Variants in RICTOR observed in about 807,000 individuals in gnomAD.
RICTOR encodes RPTOR independent companion of MTOR complex 2.
RICTOR carries 49 observed loss-of-function variants against 214.9 expected under a neutral mutation model. The observed-to-expected ratio is 0.23, with a 90% CI of 0.18 to 0.29. The LOEUF is 0.29. Among genes scored for constraint, RICTOR ranks in the 10% least tolerant of loss-of-function variants. The pLI, the probability that RICTOR is intolerant of heterozygous loss-of-function variation, is 1.00. For synonymous variants in RICTOR, 717 were observed against 711.3 expected, an observed-to-expected ratio of 1.01 and a Z score of -0.13; for missense variants, 1,625 against 2,047.0, an observed-to-expected ratio of 0.79 and a Z score of 3.98.
At chr5:39,071,545 T>C (rs1759323291) in intron 2 of RICTOR, among the ~76,000 whole-genome samples, 1 of 152,216 alleles carries the variant, frequency 6.6e-6, no homozygotes, top group Non-Finnish European at 1.5e-5. Context: ...CATTTACTTT[T>C]CACATTCTTA....
rs1032784340 is a variant in RICTOR at position 38,940,259 on chromosome 5, A to C, written c.*2045T>G. On this transcript the variant is annotated 3_prime_UTR_variant, in exon 38 of 38. Coordinates refer to ENST00000357387, the MANE Select transcript of RICTOR (RefSeq NM_152756.5). ...TGGGGGAGGGGGTGTGTGTGTGTGTAAGACAAAAAAAAAATTACTGTTAAC... is the reference window on the plus strand; with the variant it reads ...TGGGGGAGGGGGTGTGTGTGTGTGTCAGACAAAAAAAAAATTACTGTTAAC... The C allele has an allele frequency of 4.3e-6, 1 of 230,666 alleles. No individual in the cohort carries two copies. Among genetic ancestry groups the C allele is most frequent in the East Asian group, 6.1e-5 (1 of 16,290 alleles). The allele number at this position is 230,666 out of a possible 1,614,324, so 14.3% of individuals were successfully genotyped here.
intron 9 of RICTOR, among the ~76,000 whole-genome samples, chr5:38,977,548 A>C (rs138923866): frequency 1.3e-5 from 2 of 150,366 alleles, no homozygotes; most frequent in African/African-American, 4.9e-5. Context: ...TGTTAGGGTG[A>C]GAATGAGTTC....
At chr5:38,995,138 A>T (rs1753085416) in intron 6 of RICTOR, among the ~76,000 whole-genome samples, 1 of 152,176 alleles carries the variant, frequency 6.6e-6, no homozygotes, top group Admixed American at 6.6e-5. Flanking sequence ...CATTAATTTT[A>T]TTTTTTGGAA....
In RICTOR at chr5:38,945,724, C is replaced by A; in HGVS notation, c.4400G>T (p.Gly1467Val). 1 of 1,497,142 alleles carries A rather than the reference C, an allele frequency of 6.7e-7. No homozygotes were observed. The allele number at this position is 1,497,142 out of a possible 1,614,324, so 92.7% of individuals were successfully genotyped here. Residue 1467 changes from glycine to valine, a missense_variant and splice_region_variant, in exon 34 of 38, where the codon GGT becomes GTT. Gly to Val is a moderately radical substitution (Grantham distance 109, BLOSUM62 -3). This residue lies in a region of RICTOR where 1,214 missense variants were observed against 1,470.5 expected (regional missense o/e 0.83). Transcript: ENST00000357387. ...AAGACCTCCAGTTCCAGATGGAAGA[C>A]CTGTGCATAAGTAAATATAAAACAT... ...GARAFAHDAG[G>V]LPSGTGGLVK... is the part of the protein sequence containing the mutation.
At chr5:39,036,897 A>G (rs1331837944) in intron 2 of RICTOR, among the ~76,000 whole-genome samples, 2 of 152,184 alleles carry the variant, frequency 1.3e-5, no homozygotes. Flanking sequence ...TGTCAACATT[A>G]GACAGATCAA....
intron 2 of RICTOR, among the ~76,000 whole-genome samples, chr5:39,035,164 C>A (rs1239800638): frequency 2.0e-5 from 3 of 152,190 alleles, no homozygotes; most frequent in African/African-American, 4.8e-5. Context: ...TGTGGTTCAC[C>A]AATATCCACT....
At chr5:39,012,036 TC>T (rs1298535098) in intron 3 of RICTOR, among the ~76,000 whole-genome samples, 1 of 152,138 alleles carries the variant, frequency 6.6e-6, no homozygotes, top group East Asian at 1.9e-4. Flanking sequence ...GGCTCTGTGT[TC>T]CCACCCAAAT....
intron 2 of RICTOR, among the ~76,000 whole-genome samples, chr5:39,070,577 C>A (rs1253306329): frequency 6.6e-6 from 1 of 151,884 alleles, no homozygotes; most frequent in African/African-American, 2.4e-5. Flanking sequence ...TTTTTTAGTT[C>A]TTAGTGGAAA....
chr5:38,946,071 T>C (rs888919554), intron 33 of RICTOR, among the ~76,000 whole-genome samples: 1 of 152,200 alleles, frequency 6.6e-6, no homozygotes, highest in Admixed American at 6.5e-5. Flanking sequence ...CTGTGGCTTA[T>C]ATTTACATAT....
chr5:38,999,420 T>C (rs992385143), intron 5 of RICTOR, among the ~76,000 whole-genome samples: 6 of 151,944 alleles, frequency 3.9e-5, no homozygotes, highest in African/African-American at 9.7e-5. Context: ...AACTGAAGCA[T>C]TGAAAAATAA....
chr5:38,949,528 C>T (rs1049908567), intron 31 of RICTOR, 184 bp downstream of exon 31: 2 of 1,142,484 alleles, frequency 1.8e-6, no homozygotes, highest in Admixed American at 2.6e-5. Context: ...TTCTTCCCCC[C>T]TCGCAGCTGC....
chr5:39,018,649 C>T lies in RICTOR; in HGVS notation c.195+2390G>A, dbSNP rs903415564. 3.3e-5 allele frequency among the ~76,000 whole-genome samples: 5 copies of T among 152,018 alleles called. No individual in the cohort carries two copies. In the South Asian group the frequency reaches 6.2e-4, roughly 19 times the overall value. ...CACCATGAACTGGACCCATAAAGGACGATGAACTTAATAAATGTGTGTTCC... is the reference window on the plus strand; with the variant it reads ...CACCATGAACTGGACCCATAAAGGATGATGAACTTAATAAATGTGTGTTCC... On this transcript the variant is annotated intron_variant, in intron 3 of 37. Coordinates refer to ENST00000357387, the MANE Select transcript of RICTOR (RefSeq NM_152756.5).
chr5:39,028,739 T>A (rs1756049108), intron 2 of RICTOR, among the ~76,000 whole-genome samples: 1 of 151,878 alleles, frequency 6.6e-6, no homozygotes, highest in Non-Finnish European at 1.5e-5. Flanking sequence ...TAATCAAAAA[T>A]CAAAAGAACA....
intron 2 of RICTOR, among the ~76,000 whole-genome samples, chr5:39,073,873 G>A (rs557227960): frequency 1.3e-5 from 2 of 152,172 alleles, no homozygotes; most frequent in South Asian, 4.1e-4. Flanking sequence ...CCCCGCACCC[G>A]CAGCAGCCCG....
intron 2 of RICTOR, among the ~76,000 whole-genome samples, chr5:39,051,110 C>A (rs556356681): frequency 1.3e-5 from 2 of 151,806 alleles, no homozygotes; most frequent in East Asian, 3.9e-4. Flanking sequence ...TAATTCCACG[C>A]TAAATTATAT....
At chr5:39,033,969 CTCTT>C (rs550807990) in intron 2 of RICTOR, among the ~76,000 whole-genome samples, 11 of 152,142 alleles carry the variant, frequency 7.2e-5, no homozygotes, top group Non-Finnish European at 1.2e-4. Context: ...TTATACTTTC[CTCTT>C]TCTGTGTACA....
chr5:39,053,205 A>C (rs561553758), intron 2 of RICTOR, among the ~76,000 whole-genome samples: 1 of 152,250 alleles, frequency 6.6e-6, no homozygotes, highest in Non-Finnish European at 1.5e-5. Flanking sequence ...ACAGTAAAAA[A>C]TAATACAATT....
rs763179873 is a variant in RICTOR, at chr5:38,991,088, G to A, written c.457-13C>T. On this transcript the variant is annotated splice_polypyrimidine_tract_variant and intron_variant, in intron 6 of 37. Coordinates refer to ENST00000357387, the MANE Select transcript of RICTOR (RefSeq NM_152756.5). ...TCACAGTAATCATCTGTAACAGAAG[G>A]AATCAGAAAAAGAAGTTACTTTAGT... 1 of 1,571,040 alleles carries A rather than the reference G, an allele frequency of 6.4e-7. No individual in the cohort carries two copies. The highest frequency in any genetic ancestry group is 2.3e-5 in the East Asian group (1 of 43,106).
At chr5:38,985,944 C>T (rs190151869) in intron 7 of RICTOR, among the ~76,000 whole-genome samples, 2 of 152,184 alleles carry the variant, frequency 1.3e-5, no homozygotes, top group African/African-American at 2.4e-5. Flanking sequence ...GATCCGCCTG[C>T]CCCCGGCCTC....
Sources: gnomAD v4.1 joint callset for allele counts (sites outside exome capture counted in the v4.1 genomes callset) on GRCh38, gnomAD v4.1.1 for gene constraint, gnomAD v4.1.1 regional missense constraint, MANE v1.5 for transcripts, NCBI Gene and HGNC (gene_info 2026-07-23, HGNC 2026-07-21) for gene names.